SOX5: variants seen among roughly 807,000 people sequenced by gnomAD.
SOX5 encodes SRY-box transcription factor 5.
SOX5 carries 9 observed loss-of-function variants against 92.0 expected under a neutral mutation model. The ratio of observed to expected loss-of-function variants is 0.10; its 90% confidence interval spans 0.06 to 0.17. SOX5 has a LOEUF of 0.17. SOX5 is among the 10% of genes least tolerant of loss of function. SOX5 has a pLI of 1.00. For synonymous variants in SOX5, 344 were observed against 336.3 expected (o/e 1.02, Z -0.25); for missense variants, 642 against 944.5 (o/e 0.68, Z 4.20).
At chr12:24,361,666 C>T (rs1051463092) in intron 2 of SOX5, among the ~76,000 whole-genome samples, 11 of 151,926 alleles carry the variant, frequency 7.2e-5, no homozygotes, top group East Asian at 1.9e-4. Flanking sequence ...CGTGCGCACA[C>T]GCACATGTGC....
intron 1 of SOX5, among the ~76,000 whole-genome samples, chr12:24,446,152 C>G (rs984776850): frequency 1.3e-5 from 2 of 152,100 alleles, no homozygotes; most frequent in Admixed American, 6.6e-5. Context: ...TAAGACCCTA[C>G]CTACATATAT....
chr12:23,674,929 G>A (rs2085418857), intron 6 of SOX5, among the ~76,000 whole-genome samples: 1 of 152,150 alleles, frequency 6.6e-6, no homozygotes, highest in East Asian at 1.9e-4. Context: ...ATTTAACATA[G>A]TAATTGCCAT....
intron 1 of SOX5, among the ~76,000 whole-genome samples, chr12:23,924,690 GA>G (rs1285345659): frequency 6.6e-6 from 1 of 151,970 alleles, no homozygotes; most frequent in Admixed American, 6.6e-5. Flanking sequence ...TTTGAAAAAA[GA>G]TCACAGGAAT....
At chr12:23,838,017 A>ATG in intron 3 of SOX5, among the ~76,000 whole-genome samples, 1 of 107,896 alleles carries the variant, frequency 9.3e-6, no homozygotes, top group African/African-American at 4.0e-5. Context: ...TATTTATATA[A>ATG]TATATATACA....
At chr12:24,189,747 G>C (rs976052917) in intron 4 of SOX5, among the ~76,000 whole-genome samples, 1 of 151,908 alleles carries the variant, frequency 6.6e-6, no homozygotes, top group Non-Finnish European at 1.5e-5. Context: ...CTTTCTCATT[G>C]GCTCTATGCA....
At chr12:23,570,501 G>T (rs1243641880) in intron 10 of SOX5, among the ~76,000 whole-genome samples, 2 of 152,006 alleles carry the variant, frequency 1.3e-5, no homozygotes, top group East Asian at 3.9e-4. Flanking sequence ...TAAAAACCTG[G>T]GCATGGTGAC....
At chr12:23,794,434 T>C (rs2095528429) in intron 3 of SOX5, among the ~76,000 whole-genome samples, 1 of 152,096 alleles carries the variant, frequency 6.6e-6, no homozygotes, top group Non-Finnish European at 1.5e-5. Flanking sequence ...TGTCTCCCAG[T>C]AGATTGTAAA....
At chr12:24,230,136 T>C (rs1306382551) in intron 3 of SOX5, among the ~76,000 whole-genome samples, 1 of 152,064 alleles carries the variant, frequency 6.6e-6, no homozygotes, top group Non-Finnish European at 1.5e-5. Context: ...TGCTTCTAGA[T>C]GAGAGTGTGT....
At chr12:24,108,888 T>A (rs942276464) in intron 4 of SOX5, among the ~76,000 whole-genome samples, 3 of 152,158 alleles carry the variant, frequency 2.0e-5, no homozygotes, top group African/African-American at 7.2e-5. Flanking sequence ...GGCAATATGA[T>A]GTTCTACTGA....
At chr12:24,339,184 C>CACACACACACACACAA (rs1952284383) in intron 2 of SOX5, among the ~76,000 whole-genome samples, 1 of 151,578 alleles carries the variant, frequency 6.6e-6, no homozygotes, top group Admixed American at 6.6e-5. Context: ...CACACACACA[C>CACACACACACACACAA]ACACACACAC....
At chr12:24,523,896 A>T (rs1950469144) in intron 1 of SOX5, among the ~76,000 whole-genome samples, 1 of 152,240 alleles carries the variant, frequency 6.6e-6, no homozygotes, top group Admixed American at 6.5e-5. Context: ...GACAAGTGGG[A>T]CTATATCAAA....
chr12:23,832,040 T>G (rs1359058372), intron 3 of SOX5, among the ~76,000 whole-genome samples: 1 of 148,178 alleles, frequency 6.7e-6, no homozygotes, highest in Non-Finnish European at 1.5e-5. Flanking sequence ...AAAAGTAAAG[T>G]GATGGGGCAG....
intron 4 of SOX5, among the ~76,000 whole-genome samples, chr12:23,976,811 G>T (rs1335786433): frequency 3.3e-5 from 5 of 151,344 alleles, no homozygotes; most frequent in African/African-American, 9.7e-5. Context: ...TTTTTCTGTT[G>T]TTGTTGTTTT....
At chr12:23,534,643 G>T in intron 14 of SOX5, 121 bp from the exon 15 acceptor site, 3 of 708,412 alleles carry the variant, frequency 4.2e-6, no homozygotes, top group South Asian at 4.2e-5. Context: ...TTATCTAATT[G>T]CCTAACATTT....
At chr12:24,355,730 A>G (rs1257543146) in intron 2 of SOX5, among the ~76,000 whole-genome samples, 1 of 152,220 alleles carries the variant, frequency 6.6e-6, no homozygotes, top group Non-Finnish European at 1.5e-5. Flanking sequence ...TATGAGTTCA[A>G]AGATTTTAAA....
chr12:24,240,666 A>G (rs1196504711), intron 3 of SOX5, among the ~76,000 whole-genome samples: 1 of 152,146 alleles, frequency 6.6e-6, no homozygotes, highest in Non-Finnish European at 1.5e-5. Flanking sequence ...AATTTTTAAT[A>G]CTATCACAAG....
chr12:23,762,605 T>C, intron 3 of SOX5: 3 of 446,276 alleles, frequency 6.7e-6, no homozygotes, highest in Non-Finnish European at 1.1e-5. Flanking sequence ...AGCCTGTTAA[T>C]ACAAAAAGAA....
At chr12:24,017,076 T>C (rs1467398361) in intron 4 of SOX5, among the ~76,000 whole-genome samples, 1 of 152,218 alleles carries the variant, frequency 6.6e-6, no homozygotes, top group Non-Finnish European at 1.5e-5. Context: ...AGAATGTTTG[T>C]GAGGCAGTGT....
chr12:24,213,513 A>C (rs1313654099), intron 3 of SOX5: 2 of 151,688 alleles, frequency 1.3e-5, no homozygotes, highest in Admixed American at 1.3e-4. Context: ...ATTCCAAATA[A>C]ATAAAAAAAT....
Sources: allele counts gnomAD v4.1 joint callset (sites outside exome capture counted in the v4.1 genomes callset), GRCh38; gene constraint gnomAD v4.1.1; transcripts MANE v1.5; gene names NCBI Gene and HGNC (gene_info 2026-07-23, HGNC 2026-07-21).